The following FGF13 variants were observed in gnomAD, a reference collection of about 807,000 sequenced individuals.
The protein encoded by FGF13 is fibroblast growth factor homologous factor 2.
Under a neutral mutation model 19.5 loss-of-function variants are expected in FGF13, and 2 were observed. That is an observed-to-expected ratio of 0.10 (90% CI 0.04 to 0.32). The LOEUF is 0.32. FGF13 is among the 10% of genes least tolerant of loss of function. FGF13 has a pLI of 1.00. For synonymous variants in FGF13, 72 were observed against 76.9 expected (o/e 0.94, Z 0.33); for missense variants, 113 against 192.7 (o/e 0.59, Z 2.45).
chrX:138,668,542 T>C (rs932406949), intron 3 of FGF13, among the ~76,000 whole-genome samples: 4 of 109,672 alleles, frequency 3.6e-5, no homozygotes, highest in Non-Finnish European at 7.6e-5. Flanking sequence ...GAGCCATTAG[T>C]GATAGGTTAA....
chrX:138,643,274 C>T (rs751646469), intron 3 of FGF13, among the ~76,000 whole-genome samples: 14 of 112,105 alleles, frequency 1.2e-4, no homozygotes, highest in African/African-American at 4.2e-4. Flanking sequence ...CCCAGGCTCT[C>T]CATTCTTCCA....
chrX:138,949,190 A>G (rs1194160999), intron 1 of FGF13, among the ~76,000 whole-genome samples: 2 of 112,251 alleles, frequency 1.8e-5, no homozygotes, highest in Non-Finnish European at 3.8e-5. Context: ...GAAGGATGTA[A>G]AAAACATTCC....
chrX:139,138,871 C>A (rs1169674404), intron 1 of FGF13, among the ~76,000 whole-genome samples: 3 of 110,586 alleles, frequency 2.7e-5, no homozygotes, highest in Non-Finnish European at 5.7e-5. Flanking sequence ...GACTCTGACC[C>A]AGGTCTTTTG....
chrX:138,721,144 A>G (rs1190387350), intron 1 of FGF13, among the ~76,000 whole-genome samples: 1 of 111,922 alleles, frequency 8.9e-6, no homozygotes, highest in Non-Finnish European at 1.9e-5. Context: ...ATTGGCATGT[A>G]TGTCATGGTA....
At chrX:138,808,052 G>C (rs751840141) in intron 3 of FGF13, among the ~76,000 whole-genome samples, 1 of 111,221 alleles carries the variant, frequency 9.0e-6, no homozygotes, top group African/African-American at 3.3e-5. Context: ...AGTTAACAAG[G>C]ATATCCAGGA....
At chrX:138,780,681 T>G (rs1569392956) in intron 3 of FGF13, among the ~76,000 whole-genome samples, 1 of 104,884 alleles carries the variant, frequency 9.5e-6, no homozygotes. Context: ...CTGAGTGACC[T>G]ACAAAGAGAC....
intron 1 of FGF13, among the ~76,000 whole-genome samples, chrX:139,182,743 G>T (rs917676332): frequency 8.9e-6 from 1 of 111,876 alleles, no homozygotes; most frequent in Non-Finnish European, 1.9e-5. Flanking sequence ...CCTGATAAAA[G>T]GCCGTGTTTT....
intron 1 of FGF13, among the ~76,000 whole-genome samples, chrX:139,109,425 G>A (rs1197855636): frequency 8.9e-6 from 1 of 111,840 alleles, no homozygotes; most frequent in African/African-American, 3.2e-5. Context: ...TATGTTTTTG[G>A]ATGATGACGA....
chrX:138,689,025 G>A (rs1033362281), intron 3 of FGF13, among the ~76,000 whole-genome samples: 8 of 111,356 alleles, frequency 7.2e-5, no homozygotes, highest in African/African-American at 2.3e-4. Context: ...TACTACAGAG[G>A]TGATACAGAG....
intron 1 of FGF13, among the ~76,000 whole-genome samples, chrX:139,130,877 A>T (rs2083755248): frequency 8.9e-6 from 1 of 112,032 alleles, no homozygotes; most frequent in African/African-American, 3.2e-5. Flanking sequence ...ACATCTATTT[A>T]AAAATATTAT....
At chrX:139,139,910 C>G (rs998739171) in intron 1 of FGF13, among the ~76,000 whole-genome samples, 4 of 111,592 alleles carry the variant, frequency 3.6e-5, no homozygotes, top group African/African-American at 1.3e-4. Flanking sequence ...CATGGCTTGT[C>G]TGAAGCATGC....
Position 138,615,227 on chromosome X carries a change from C to A in FGF13, c.*17623G>T, listed in dbSNP as rs1235861619. On this transcript the variant is annotated 3_prime_UTR_variant, in exon 5 of 5. Coordinates refer to ENST00000315930, the MANE Select transcript of FGF13 (RefSeq NM_004114.5). ...TTAGTGTATGTAAAACTAGAGAAGT[C>A]TGAGTAATGTCTGTGGATTATACAG... is the stretch of plus-strand genomic sequence containing the variant. 1 of 111,370 alleles carries A rather than the reference C, an allele frequency of 9.0e-6. No individual in the cohort carries two copies. Among genetic ancestry groups the A allele is most frequent in the South Asian group, 3.8e-4 (1 of 2,639 alleles). The allele number at this position is 111,370 out of a possible 1,213,427, so 9.2% of individuals were successfully genotyped here.
intron 1 of FGF13, among the ~76,000 whole-genome samples, chrX:138,914,636 C>CTT (rs34940979): frequency 0.034 from 2,586 of 76,864 alleles, 148 homozygotes; most frequent in African/African-American, 0.11. Context: ...TTGTGTTGGA[C>CTT]TTTTTTTTTT....
At chrX:138,866,650 AT>A (rs1179714344) in intron 1 of FGF13, among the ~76,000 whole-genome samples, 1 of 110,503 alleles carries the variant, frequency 9.0e-6, no homozygotes, top group Non-Finnish European at 1.9e-5. Flanking sequence ...TTCCTCAACC[AT>A]AAGATGAGAT....
chrX:139,139,027 C>A lies in FGF13; in HGVS notation c.-113+64389G>T, dbSNP rs750838021. ...TCACTGCAACCTCCTTCTCCCGGAT[C>A]CAAGCTATTCTCCTGCCTCAGCCTC... is the stretch of plus-strand genomic sequence containing the variant. On this transcript the variant is annotated intron_variant, in intron 1 of 2. Coordinates refer to the FGF13 transcript ENST00000421460. Among the ~76,000 whole-genome samples, 7 of 107,000 alleles carry A rather than the reference C, an allele frequency of 6.5e-5. No individual in the cohort carries two copies. The East Asian group carries it at 2.1e-3, about 32-fold the overall frequency. The allele number at this position is 107,000 out of a possible 115,157, so 92.9% of individuals were successfully genotyped here.
intron 3 of FGF13, among the ~76,000 whole-genome samples, chrX:138,837,587 T>C (rs186808571): frequency 1.8e-5 from 2 of 112,337 alleles, no homozygotes; most frequent in East Asian, 5.6e-4. Context: ...GGGAGTTTAA[T>C]CTCAGGGAAT....
chrX:139,110,686 G>A (rs2083595071), intron 1 of FGF13, among the ~76,000 whole-genome samples: 1 of 112,109 alleles, frequency 8.9e-6, no homozygotes, highest in Admixed American at 9.5e-5. Context: ...ACAAGAGTAA[G>A]GCAAAGATTA....
rs141726842 is a variant in FGF13, at chrX:139,012,551, A to T, written c.-112-147901T>A. Among the ~76,000 whole-genome samples, 1,055 of 111,692 alleles carry T rather than the reference A, an allele frequency of 9.4e-3. 11 individuals are homozygous for T. Among genetic ancestry groups the T allele is most frequent in the African/African-American group, 0.032 (981 of 30,739 alleles). On this transcript the variant is annotated intron_variant, in intron 1 of 2. Coordinates refer to the FGF13 transcript ENST00000421460. ...AACCCAGAAATAAACCCAAATACTT[A>T]CAGCCAACTGATTTTCAACAAAGCA... is the stretch of plus-strand genomic sequence containing the variant.
upstream of FGF13, among the ~76,000 whole-genome samples, chrX:138,715,152 C>T (rs2090089820): frequency 8.9e-6 from 1 of 112,044 alleles, no homozygotes; most frequent in African/African-American, 3.3e-5. Flanking sequence ...CATTGTCCAC[C>T]AACCTCTCTT....
Sources: gnomAD v4.1 joint callset for allele counts (sites outside exome capture counted in the v4.1 genomes callset) on GRCh38, gnomAD v4.1.1 for gene constraint, MANE v1.5 for transcripts, NCBI Gene and HGNC (gene_info 2026-07-23, HGNC 2026-07-21) for gene names.